The following PTPN14 variants were observed in gnomAD, a reference collection of about 807,000 sequenced individuals.
The protein encoded by PTPN14 is tyrosine-protein phosphatase non-receptor type 14.
A neutral mutation model predicts 126.8 loss-of-function variants in PTPN14; 53 were observed. The observed-to-expected ratio is 0.42, with a 90% CI of 0.34 to 0.53. PTPN14 has a LOEUF of 0.53. Among genes scored for constraint, PTPN14 ranks in the 20% least tolerant of loss-of-function variants. PTPN14 has a pLI of 0.08. For synonymous variants in PTPN14, 630 were observed against 599.3 expected (o/e 1.05, Z -0.75); for missense variants, 1,257 against 1,552.9 (o/e 0.81, Z 3.20).
Position 214,445,551 on chromosome 1 carries a change from T to TAA in PTPN14, c.344+6252_344+6253dup, listed in dbSNP as rs5780780. On this transcript the variant is annotated intron_variant, in intron 3 of 18. Coordinates refer to ENST00000366956, the MANE Select transcript of PTPN14 (RefSeq NM_005401.5). Reference sequence around the variant, plus strand: ...AATGCAAAGACAAACATGTTTTGGTTAAAAAAAAAAAAACCACAAAATTAA... The same window carrying TAA: ...AATGCAAAGACAAACATGTTTTGGTTAAAAAAAAAAAAAAACCACAAAATTAA... Among the ~76,000 whole-genome samples, 209 of 145,670 alleles carry TAA rather than the reference T, an allele frequency of 1.4e-3. 1 individual carries two copies. Among genetic ancestry groups the TAA allele is most frequent in the Middle Eastern group, 3.5e-3 (1 of 286 alleles).
chr1:214,511,027 T>C (rs776756436), intron 1 of PTPN14, among the ~76,000 whole-genome samples: 3 of 151,736 alleles, frequency 2.0e-5, no homozygotes, highest in Admixed American at 2.0e-4. Flanking sequence ...CAGGCACACA[T>C]GCCACCAGGC....
Position 214,525,988 on chromosome 1 carries a change from C to A in PTPN14, c.-155+25195G>T, listed in dbSNP as rs1259059999. Reference sequence around the variant, plus strand: ...TTTTTTTTTTTTTTTTTTTTTAAGACGGAGGCTTGCGCTGTCACCCAGGCT... The same window carrying A: ...TTTTTTTTTTTTTTTTTTTTTAAGAAGGAGGCTTGCGCTGTCACCCAGGCT... On this transcript the variant is annotated intron_variant, in intron 1 of 18. Transcript: ENST00000366956. Among the ~76,000 whole-genome samples the A allele has an allele frequency of 2.9e-5, 4 of 138,074 alleles. No individual in the cohort carries two copies. The East Asian group carries it at 8.4e-4, about 29-fold the overall frequency. 90.6% of individuals were successfully genotyped at this position (138,074 alleles called of 152,430 possible).
chr1:214,436,592 T>C (rs1352288724), intron 3 of PTPN14, among the ~76,000 whole-genome samples: 1 of 149,092 alleles, frequency 6.7e-6, no homozygotes, highest in East Asian at 2.0e-4. Context: ...AGGTCAGGAG[T>C]TCAAGACCAG....
At chr1:214,440,711 G>C (rs764206257) in intron 3 of PTPN14, among the ~76,000 whole-genome samples, 34 of 152,214 alleles carry the variant, frequency 2.2e-4, no homozygotes, top group African/African-American at 3.6e-4. Context: ...CCCAAGTACT[G>C]AGATGCACTT....
chr1:214,363,335 G>A (rs1041768285), intron 18 of PTPN14, among the ~76,000 whole-genome samples: 5 of 152,160 alleles, frequency 3.3e-5, no homozygotes, highest in South Asian at 2.1e-4. Context: ...CTTAGCATTC[G>A]TTGTTTTCCT....
intron 8 of PTPN14, 138 bp downstream of exon 8, chr1:214,397,775 G>A (rs1310433324): frequency 3.1e-6 from 2 of 637,996 alleles, no homozygotes; most frequent in Non-Finnish European, 5.3e-6. Flanking sequence ...TCCTGCAGAG[G>A]GCTCACCTTA....
chr1:214,377,965 G>A lies in PTPN14; in HGVS notation c.2682C>T (p.Asp894=), dbSNP rs201073438. The A allele has an allele frequency of 2.7e-5, 43 of 1,612,302 alleles. No individual in the cohort carries two copies. The highest frequency in any genetic ancestry group is 1.3e-4 in the East Asian group (6 of 44,806). The change falls in exon 14 of 19, where the codon GAC becomes GAT. Residue 894 remains aspartate, a synonymous_variant. Transcript: ENST00000366956. ...TGACAAGCCTGCCACTTACCCTCTC[G>A]TCCATGGGAACCCGGGTGGCATCAA... ...NRVDATRVPM[D]ERFRTLKKKL...
At chr1:214,460,877 A>C (rs1660495465) in intron 2 of PTPN14, among the ~76,000 whole-genome samples, 1 of 152,168 alleles carries the variant, frequency 6.6e-6, no homozygotes, top group Admixed American at 6.5e-5. Context: ...GCCATGTTAA[A>C]TAGCAGCATA....
At chr1:214,441,082 C>T (rs72757982) in intron 3 of PTPN14, among the ~76,000 whole-genome samples, 3,743 of 152,110 alleles carry the variant, frequency 0.025, 59 homozygotes, top group Non-Finnish European at 0.04. Context: ...ATTTCTCTGG[C>T]AAAGTAATAT....
chr1:214,536,255 A>G (rs1317958663), intron 1 of PTPN14, among the ~76,000 whole-genome samples: 1 of 152,018 alleles, frequency 6.6e-6, no homozygotes, highest in Non-Finnish European at 1.5e-5. Context: ...AAAAATAAAA[A>G]AATTTGGCAC....
At chr1:214,369,806 T>C in intron 16 of PTPN14, 115 bp from the exon 17 acceptor site, 1 of 890,350 alleles carries the variant, frequency 1.1e-6, no homozygotes, top group Non-Finnish European at 1.8e-6. Flanking sequence ...GCTAGTTCAG[T>C]AGCACTCTGC....
chr1:214,500,635 CA>C (rs1363526029), intron 1 of PTPN14, among the ~76,000 whole-genome samples: 2 of 152,088 alleles, frequency 1.3e-5, no homozygotes, highest in Non-Finnish European at 2.9e-5. Flanking sequence ...CAGACAGAAA[CA>C]ATCAATTCAC....
At chr1:214,517,396 A>T (rs1571639599) in intron 1 of PTPN14, among the ~76,000 whole-genome samples, 1 of 122,958 alleles carries the variant, frequency 8.1e-6, no homozygotes, top group South Asian at 3.1e-4. Flanking sequence ...CACCAAGGTT[A>T]AGATTAACTC....
intron 1 of PTPN14, among the ~76,000 whole-genome samples, chr1:214,493,458 A>G (rs901829877): frequency 3.9e-5 from 6 of 152,344 alleles, no homozygotes; most frequent in African/African-American, 1.4e-4. Flanking sequence ...TGTGATTATT[A>G]TGTATTATAT....
chr1:214,410,515 C>G (rs34607409), intron 5 of PTPN14, among the ~76,000 whole-genome samples: 1 of 151,940 alleles, frequency 6.6e-6, no homozygotes, highest in East Asian at 1.9e-4. Context: ...ATGGTCTCCA[C>G]CTTTTGACCT....
At chr1:214,434,428 C>T (rs115767230) in intron 3 of PTPN14, among the ~76,000 whole-genome samples, 2,297 of 151,188 alleles carry the variant, frequency 0.015, 60 homozygotes, top group African/African-American at 0.053. Context: ...GCAAAATCAA[C>T]GATGGACATG....
chr1:214,480,078 T>C (rs1281599087), intron 1 of PTPN14, among the ~76,000 whole-genome samples: 1 of 152,238 alleles, frequency 6.6e-6, no homozygotes, highest in Non-Finnish European at 1.5e-5. Context: ...CCATTTGCTA[T>C]TGTTGACAAC....
intron 18 of PTPN14, 56 bp from the exon 19 acceptor site, chr1:214,358,106 A>G (rs1442727628): frequency 2.1e-5 from 34 of 1,584,480 alleles, no homozygotes; most frequent in Admixed American, 6.9e-5. Context: ...CCCTTTGAGC[A>G]TTCCTCATTC....
intron 1 of PTPN14, among the ~76,000 whole-genome samples, chr1:214,500,538 C>G (rs1425679211): frequency 6.6e-6 from 1 of 152,138 alleles, no homozygotes; most frequent in East Asian, 1.9e-4. Context: ...GTTCCAAATA[C>G]AAGTGGCTTG....
Sources: gnomAD v4.1 joint callset for allele counts (sites outside exome capture counted in the v4.1 genomes callset) on GRCh38, gnomAD v4.1.1 for gene constraint, MANE v1.5 for transcripts, NCBI Gene and HGNC (gene_info 2026-07-23, HGNC 2026-07-21) for gene names.